The following HYOU1 variants were observed in gnomAD, a reference collection of about 807,000 sequenced individuals.
The protein encoded by HYOU1 is hypoxia up-regulated 1.
Under a neutral mutation model 120.5 loss-of-function variants are expected in HYOU1, and 40 were observed. The ratio of observed to expected loss-of-function variants is 0.33; its 90% CI spans 0.26 to 0.43. HYOU1 has a LOEUF of 0.43. Among genes scored for constraint, HYOU1 ranks in the 20% least tolerant of loss-of-function variants. The pLI, the probability that HYOU1 is intolerant of heterozygous loss-of-function variation, is 1.00. For synonymous variants in HYOU1, 501 were observed against 479.4 expected (o/e 1.05, Z -0.59); for missense variants, 1,085 against 1,278.3 (o/e 0.85, Z 2.31).
At chr11:119,054,735 T>A (rs1330086093) in intron 6 of HYOU1, 60 bp from the exon 7 acceptor site, 4 of 1,525,646 alleles carry the variant, frequency 2.6e-6, no homozygotes, top group African/African-American at 1.4e-5. Context: ...GGGCTTCTAA[T>A]CTGGTCACTA....
At chr11:119,056,426 G>A (rs1944768883) in intron 1 of HYOU1, 1 of 564,416 alleles carries the variant, frequency 1.8e-6, no homozygotes, top group African/African-American at 1.9e-5. Context: ...AAGCTAACAG[G>A]ACAAGAGAAA....
intron 1 of HYOU1, 56 bp from the exon 2 acceptor site, chr11:119,056,223 C>T: frequency 8.2e-7 from 1 of 1,218,132 alleles, no homozygotes; most frequent in Non-Finnish European, 1.2e-6. Context: ...GTGAAGGAGA[C>T]AGAATCACAT....
Position 119,048,383 on chromosome 11 carries a change from A to G in HYOU1, c.2254-13T>C. ...GGTACAGCTTGTCCTGGGGAGGGGGACATGTAAACACATGCACCCACAAGC... is the reference window on the plus strand; with the variant it reads ...GGTACAGCTTGTCCTGGGGAGGGGGGCATGTAAACACATGCACCCACAAGC... On this transcript the variant is annotated splice_polypyrimidine_tract_variant and intron_variant, in intron 19 of 25. Transcript: ENST00000617285. The surrounding 1 kb of genome is among the most constrained non-coding windows in gnomAD (Gnocchi z 4.7). 6.2e-7 allele frequency: 1 copy of G among 1,609,284 alleles called. No homozygotes were observed. Among genetic ancestry groups the G allele is most frequent in the East Asian group, 2.2e-5 (1 of 44,874 alleles).
At chr11:119,056,720 C>T in intron 1 of HYOU1, 1 of 258,238 alleles carries the variant, frequency 3.9e-6, no homozygotes. Flanking sequence ...TCCCCGGCCC[C>T]GCTGTGCCCA....
chr11:119,055,701 G>C lies in HYOU1; in HGVS notation c.185+49C>G. 3 of 1,547,098 alleles carry C rather than the reference G, an allele frequency of 1.9e-6. No homozygotes were observed. Among genetic ancestry groups the C allele is most frequent in the Non-Finnish European group, 2.7e-6 (3 of 1,118,962 alleles). ...ACTATGACTAACACATTCACACTTG[G>C]AGCCCAGACTCCCTCGTTCCCCACC... On this transcript the variant is annotated intron_variant, in intron 3 of 25. Coordinates refer to ENST00000617285, the MANE Select transcript of HYOU1 (RefSeq NM_006389.5). The surrounding 1 kb of genome is among the most constrained non-coding windows in gnomAD (Gnocchi z 4.0).
chr11:119,051,608 C>G lies in HYOU1; in HGVS notation c.1356G>C (p.Glu452Asp). 1 of 1,614,094 alleles carries G rather than the reference C, an allele frequency of 6.2e-7. No homozygotes were observed. The part of the protein sequence containing the change: ...VYPILVEFTR[E>D]VEEEPGIHSL... ...TGTGAATCCCAGGCTCCTCCTCCAC[C>G]TCCCTCGTGAACTCCACCTACACAG... Residue 452 changes from glutamate (E) to aspartate (D), a missense_variant, in exon 13 of 26, where the codon GAG becomes GAC. Coordinates refer to ENST00000617285, the MANE Select transcript of HYOU1 (RefSeq NM_006389.5). This position sits in a 1 kb window ranked among gnomAD's most constrained non-coding sequence, Gnocchi z 4.2.
intron 24 of HYOU1, 26 bp downstream of exon 24, chr11:119,046,390 TG>T: frequency 6.2e-7 from 1 of 1,612,556 alleles, no homozygotes; most frequent in Non-Finnish European, 8.5e-7. Context: ...AACATCCACG[TG>T]CTCAACCATG....
rs2133606085 is a variant in HYOU1, at chr11:119,054,594, C to T, written c.578G>A (p.Arg193His). 46 of 1,614,030 alleles carry T rather than the reference C, an allele frequency of 2.9e-5. No individual in the cohort carries two copies. The highest frequency in any genetic ancestry group is 4.5e-5 in the East Asian group (2 of 44,904). Residue 193 changes from arginine (R) to histidine (H), a missense_variant, in exon 7 of 26, where the codon CGT (arginine) becomes CAT (histidine). Transcript: ENST00000617285. ...CTGCAGCACTTTGAGGCCAGCCATA[C>T]GAGCAGCCTGCAGCACAGCTCGGCG... ...AERRAVLQAA[R>H]MAGLKVLQLI...
In HYOU1 at chr11:119,051,773, G is replaced by A; in HGVS notation, c.1338+46C>T. ...CAGACAGAAGGGGAAACCCTACTTG[G>A]GAGAGGTAAAGGGAGCTTGTCACCT... is the stretch of plus-strand genomic sequence containing the variant. On this transcript the variant is annotated intron_variant, in intron 12 of 25. Transcript: ENST00000617285. This position sits in a 1 kb window ranked among gnomAD's most constrained non-coding sequence, Gnocchi z 4.2. 8.1e-6 allele frequency: 13 copies of A among 1,609,906 alleles called. No homozygotes were observed. Among genetic ancestry groups the A allele is most frequent in the Non-Finnish European group, 1.1e-5 (13 of 1,176,488 alleles).
In HYOU1 at chr11:119,048,676, C is replaced by A; in HGVS notation, c.2165+38G>T. 6.2e-7 allele frequency: 1 copy of A among 1,602,634 alleles called. No individual in the cohort carries two copies. Among genetic ancestry groups the A allele is most frequent in the South Asian group, 1.1e-5 (1 of 89,684 alleles). On this transcript the variant is annotated intron_variant, in intron 18 of 25. Transcript: ENST00000617285. This position sits in a 1 kb window ranked among gnomAD's most constrained non-coding sequence, Gnocchi z 4.7. ...CATCCCACATCCTGCCCACCTTGCACACACATGTACACACACACACCAGCT... is the reference window on the plus strand; with the variant it reads ...CATCCCACATCCTGCCCACCTTGCAAACACATGTACACACACACACCAGCT...
At chr11:119,047,564 T>TG in intron 22 of HYOU1, 170 bp downstream of exon 22, 2 of 616,632 alleles carry the variant, frequency 3.2e-6, no homozygotes, top group Non-Finnish European at 5.8e-6. Context: ...CTTATGGCCA[T>TG]GGCCCTTGCT....
At position 119,051,834 on chromosome 11, in the gene HYOU1, C is replaced by A; in HGVS notation, c.1323G>T (p.Val441=). The change falls in exon 12 of 26, where the codon GTG becomes GTT. Residue 441 remains valine, a synonymous_variant. Coordinates refer to ENST00000617285, the MANE Select transcript of HYOU1 (RefSeq NM_006389.5). This position sits in a 1 kb window ranked among gnomAD's most constrained non-coding sequence, Gnocchi z 4.2. ...GCTCACTCACCAGGATGGGGTAGAC[C>A]ACTGCATCTCGGACGACAAATGGCT... ...KVKPFVVRDA[V]VYPILVEFTR... is the part of the protein sequence containing the mutation. 6.2e-7 allele frequency: 1 copy of A among 1,614,124 alleles called. No homozygotes were observed. The highest frequency in any genetic ancestry group is 1.3e-5 in the African/African-American group (1 of 74,998).
rs2133612920 is a variant in HYOU1, at chr11:119,055,363, C to T, written c.265-24G>A. The T allele has an allele frequency of 1.9e-6, 3 of 1,611,062 alleles. No homozygotes were observed. Among genetic ancestry groups the T allele is most frequent in the Non-Finnish European group, 2.5e-6 (3 of 1,177,904 alleles). On this transcript the variant is annotated intron_variant, in intron 4 of 25. Coordinates refer to ENST00000617285, the MANE Select transcript of HYOU1 (RefSeq NM_006389.5). The surrounding 1 kb of genome is among the most constrained non-coding windows in gnomAD (Gnocchi z 4.0). ...GCCTGAGGGGTGAAGAAGGAGCAGA[C>T]TAGTATTAGGCTCCCAAGTCCACCA...
At chr11:119,046,322 T>A in intron 24 of HYOU1, 95 bp downstream of exon 24, 1 of 1,026,190 alleles carries the variant, frequency 9.7e-7, no homozygotes, top group Non-Finnish European at 1.5e-6. Context: ...CCATTCAAGC[T>A]CATGGGCTGT....
In HYOU1 at chr11:119,055,734, C is replaced by T. The variant is rs782012098; in HGVS notation, c.185+16G>A. On this transcript the variant is annotated intron_variant, in intron 3 of 25. Transcript: ENST00000617285. The surrounding 1 kb of genome is among the most constrained non-coding windows in gnomAD (Gnocchi z 4.0). ...ACTCCCTCGTTCCCCACCCTTAACA[C>T]GGGGGCCACCCTCACTTATTCAAGA... The T allele has an allele frequency of 5.6e-6, 9 of 1,608,340 alleles. No individual in the cohort carries two copies. Among genetic ancestry groups the T allele is most frequent in the Admixed American group, 5.0e-5 (3 of 60,016 alleles).
chr11:119,054,061 G>C (rs1348348807), intron 8 of HYOU1, 60 bp downstream of exon 8: 24 of 1,068,694 alleles, frequency 2.2e-5, no homozygotes, highest in Non-Finnish European at 3.0e-5. Flanking sequence ...TCTCCTCCAA[G>C]AAGAAACCCC....
In HYOU1 at chr11:119,045,826, C is replaced by T. The variant is rs2133545215; in HGVS notation, c.2893G>A (p.Glu965Lys). Residue 965 changes from glutamate to lysine, a missense_variant, in exon 25 of 26, where the codon GAG becomes AAG. Around this residue, in one of 4 missense-constraint regions of HYOU1, gnomAD observed 516 missense variants for 517.1 expected, o/e 1.00. Transcript: ENST00000617285. Reference protein sequence around the residue: ...SEPEKVETGSEPGDTEPLELG... With the variant: ...SEPEKVETGSKPGDTEPLELG... ...TCCAAAGGCTCAGTGTCTCCTGGCT[C>T]GGATCCTGCTTTGGGAAGAAACAGG... is the stretch of plus-strand genomic sequence containing the variant. 117 of 1,612,724 alleles carry T rather than the reference C, an allele frequency of 7.3e-5. No individual in the cohort carries two copies. The highest frequency in any genetic ancestry group is 7.1e-4 in the Admixed American group (42 of 59,444).
Position 119,051,415 on chromosome 11 carries a change from C to T in HYOU1, c.1526+23G>A, listed in dbSNP as rs1459402478. On this transcript the variant is annotated intron_variant, in intron 13 of 25. Transcript: ENST00000617285. The surrounding 1 kb of genome is among the most constrained non-coding windows in gnomAD (Gnocchi z 4.2). ...CACGCCTCCCCCTCCCTGGAGCTCCCATCCTACACCCCTGCCCCTCACCGA... is the reference window on the plus strand; with the variant it reads ...CACGCCTCCCCCTCCCTGGAGCTCCTATCCTACACCCCTGCCCCTCACCGA... 2 of 1,611,784 alleles carry T rather than the reference C, an allele frequency of 1.2e-6. No individual in the cohort carries two copies. Among genetic ancestry groups the T allele is most frequent in the Non-Finnish European group, 1.7e-6 (2 of 1,178,524 alleles).
chr11:119,050,628 G>A (rs1944370051), intron 14 of HYOU1, among the ~76,000 whole-genome samples: 2 of 149,198 alleles, frequency 1.3e-5, no homozygotes, highest in South Asian at 4.2e-4. Flanking sequence ...GGCTGAGATG[G>A]GAGGATCATT....
Sources: allele counts gnomAD v4.1 joint callset (sites outside exome capture counted in the v4.1 genomes callset), GRCh38; gene constraint gnomAD v4.1.1; regional missense constraint gnomAD v4.1.1; non-coding constraint Gnocchi (gnomAD v3.1); transcripts MANE v1.5; gene names NCBI Gene and HGNC (gene_info 2026-07-23, HGNC 2026-07-21).